Variants in FAM184A observed in about 807,000 individuals in gnomAD.
FAM184A encodes the protein protein FAM184A.
Under a neutral mutation model 143.8 loss-of-function variants are expected in FAM184A, and 99 were observed. The ratio of observed to expected loss-of-function variants is 0.69; its 90% CI spans 0.58 to 0.81. The LOEUF (loss-of-function observed/expected upper bound fraction) is 0.81, where lower values mean the gene tolerates loss of function less well. Ranked by LOEUF, FAM184A falls within the 40% of genes least tolerant of loss-of-function variation. The pLI is 0.00. For synonymous variants in FAM184A, 427 were observed against 446.4 expected (o/e 0.96, Z 0.55); for missense variants, 1,217 against 1,310.5 (o/e 0.93, Z 1.10).
chr6:119,086,020 C>T (rs780502388), intron 1 of FAM184A, among the ~76,000 whole-genome samples: 1 of 152,142 alleles, frequency 6.6e-6, no homozygotes, highest in African/African-American at 2.4e-5. Flanking sequence ...TCCTACCAGG[C>T]TGCACCTCCA....
At chr6:119,045,119 G>A (rs1339733717) in intron 1 of FAM184A, among the ~76,000 whole-genome samples, 1 of 152,148 alleles carries the variant, frequency 6.6e-6, no homozygotes, top group African/African-American at 2.4e-5. Flanking sequence ...TTCTTAGGCA[G>A]AAGGGAAGTG....
chr6:119,016,191 A>C (rs1480605139), intron 5 of FAM184A, among the ~76,000 whole-genome samples: 1 of 152,120 alleles, frequency 6.6e-6, no homozygotes, highest in African/African-American at 2.4e-5. Context: ...CGCCCTGACA[A>C]AACAGGCCAC....
At chr6:118,982,858 T>G (rs898118663) in intron 9 of FAM184A, among the ~76,000 whole-genome samples, 1 of 151,902 alleles carries the variant, frequency 6.6e-6, no homozygotes, top group Non-Finnish European at 1.5e-5. Flanking sequence ...ATCTACAGAG[T>G]TTTAAATTTC....
chr6:118,988,295 C>T (rs1249920726), intron 9 of FAM184A, among the ~76,000 whole-genome samples: 1 of 152,174 alleles, frequency 6.6e-6, no homozygotes, highest in East Asian at 1.9e-4. Flanking sequence ...TAAAGACACA[C>T]AGTCTAAATT....
At chr6:119,008,393 C>T (rs813812) in intron 6 of FAM184A, among the ~76,000 whole-genome samples, 93,619 of 151,998 alleles carry the variant, frequency 0.62, 29,506 homozygotes, top group East Asian at 0.76. Context: ...AAGGAGCTCC[C>T]AGAAAAGGTT....
chr6:118,990,000 T>C (rs1784324384), intron 9 of FAM184A, among the ~76,000 whole-genome samples: 2 of 152,010 alleles, frequency 1.3e-5, no homozygotes, highest in South Asian at 4.2e-4. Flanking sequence ...AGCTAATTTT[T>C]GTATTTTTAG....
At chr6:119,126,550 A>G (rs1235342750) in intron 1 of FAM184A, among the ~76,000 whole-genome samples, 3 of 152,262 alleles carry the variant, frequency 2.0e-5, no homozygotes, top group African/African-American at 7.2e-5. Flanking sequence ...GGCACCGGCA[A>G]GAGCAAAACT....
chr6:119,022,012 G>T (rs1436205769), intron 3 of FAM184A, among the ~76,000 whole-genome samples: 1 of 148,756 alleles, frequency 6.7e-6, no homozygotes, highest in African/African-American at 2.5e-5. Flanking sequence ...ATTTTTAAAG[G>T]ACAACACCTC....
intron 1 of FAM184A, among the ~76,000 whole-genome samples, chr6:119,123,653 G>A (rs1789285198): frequency 6.6e-6 from 1 of 152,138 alleles, no homozygotes; most frequent in African/African-American, 2.4e-5. Context: ...TGTTTTCAAC[G>A]TTACTCAGGG....
chr6:118,975,868 A>T, intron 12 of FAM184A, 49 bp downstream of exon 12: 1 of 1,551,776 alleles, frequency 6.4e-7, no homozygotes, highest in Non-Finnish European at 8.8e-7. Context: ...TGAACATTCA[A>T]TCTATTCAAA....
Position 119,006,548 on chromosome 6 carries a change from G to A in FAM184A, c.1714C>T (p.Leu572Phe). 1 of 1,613,936 alleles carries A rather than the reference G, an allele frequency of 6.2e-7. No homozygotes were observed. Among genetic ancestry groups the A allele is most frequent in the Non-Finnish European group, 8.5e-7 (1 of 1,179,914 alleles). Residue 572 changes from leucine (L) to phenylalanine (F), a missense_variant, in exon 7 of 18, where the codon CTT (leucine) becomes TTT (phenylalanine). Transcript: ENST00000338891. ...TGGGAGTCCTGAAGACTAGCAATAA[G>A]TCCTTCTGCAGAGCCAAGACCTTGT... ...SEQGLGSAEG[L>F]IASLQDSQER...
intron 9 of FAM184A, among the ~76,000 whole-genome samples, chr6:118,981,675 C>G (rs1784029478): frequency 6.6e-6 from 1 of 152,136 alleles, no homozygotes; most frequent in Admixed American, 6.5e-5. Flanking sequence ...TAAAAAGCAG[C>G]AGGAACAGTC....
chr6:119,050,069 C>T (rs878877764), intron 1 of FAM184A, among the ~76,000 whole-genome samples: 8 of 152,084 alleles, frequency 5.3e-5, no homozygotes, highest in South Asian at 2.1e-4. Context: ...AACCAGCATA[C>T]GAAAGAAAGG....
At chr6:119,068,472 T>C (rs904231469) in intron 1 of FAM184A, among the ~76,000 whole-genome samples, 2 of 152,214 alleles carry the variant, frequency 1.3e-5, no homozygotes, top group South Asian at 2.1e-4. Context: ...TTATAATAAT[T>C]CTATGAAGTA....
chr6:118,990,736 T>C (rs1179884986), intron 9 of FAM184A, among the ~76,000 whole-genome samples: 1 of 143,704 alleles, frequency 7.0e-6, no homozygotes, highest in African/African-American at 2.6e-5. Context: ...AAAAAAAAAA[T>C]TAGCCAGGAG....
At chr6:118,996,745 C>T (rs1784573733) in intron 9 of FAM184A, among the ~76,000 whole-genome samples, 1 of 152,032 alleles carries the variant, frequency 6.6e-6, no homozygotes, top group Admixed American at 6.6e-5. Flanking sequence ...GACAGAATCT[C>T]ACTCCATCAC....
intron 9 of FAM184A, among the ~76,000 whole-genome samples, chr6:118,983,877 G>A (rs926277045): frequency 2.6e-5 from 4 of 151,636 alleles, no homozygotes; most frequent in Admixed American, 6.6e-5. Flanking sequence ...GGCCGGGCAC[G>A]GTTGCTCATG....
At chr6:119,015,640 C>T (rs1019591237) in intron 5 of FAM184A, among the ~76,000 whole-genome samples, 6 of 152,202 alleles carry the variant, frequency 3.9e-5, no homozygotes, top group African/African-American at 1.2e-4. Flanking sequence ...ACCCGAGCCT[C>T]CCCCGACGAA....
At chr6:119,067,930 C>A (rs779292956) in intron 1 of FAM184A, among the ~76,000 whole-genome samples, 2 of 152,094 alleles carry the variant, frequency 1.3e-5, no homozygotes, top group Non-Finnish European at 1.5e-5. Context: ...TATGATGGCA[C>A]CCCTGCACTC....
Sources: gnomAD v4.1 joint callset for allele counts (sites outside exome capture counted in the v4.1 genomes callset) on GRCh38, gnomAD v4.1.1 for gene constraint, MANE v1.5 for transcripts, NCBI Gene and HGNC (gene_info 2026-07-23, HGNC 2026-07-21) for gene names.